LRP6: variants seen among roughly 807,000 people sequenced by gnomAD.
The protein encoded by LRP6 is low-density lipoprotein receptor-related protein 6.
Under a neutral mutation model 184.1 loss-of-function variants are expected in LRP6, and 43 were observed. The ratio of observed to expected loss-of-function variants is 0.23; its 90% CI spans 0.18 to 0.30. The LOEUF is 0.30. LRP6 is among the 10% of genes least tolerant of loss of function. The probability of loss-of-function intolerance (pLI) is 1.00; values close to 1 mark genes in which losing one functional copy is unlikely to be tolerated. For synonymous variants in LRP6, 719 were observed against 684.9 expected (o/e 1.05, Z -0.78); for missense variants, 1,571 against 2,005.3 (o/e 0.78, Z 4.14).
intron 18 of LRP6, 36 bp from the exon 19 acceptor site, chr12:12,130,929 A>C (rs988656636): frequency 2.6e-6 from 3 of 1,165,304 alleles, no homozygotes; most frequent in Non-Finnish European, 3.9e-6. Context: ...CTTATTTTTA[A>C]TATCATGTAA....
chr12:12,238,349 A>C (rs554852816), intron 2 of LRP6, among the ~76,000 whole-genome samples: 1 of 152,118 alleles, frequency 6.6e-6, no homozygotes, highest in Non-Finnish European at 1.5e-5. Flanking sequence ...AAGGAGACTA[A>C]GGAGAACGAA....
intron 1 of LRP6, among the ~76,000 whole-genome samples, chr12:12,261,282 T>C (rs938889882): frequency 4.6e-5 from 7 of 150,864 alleles, no homozygotes; most frequent in Admixed American, 2.7e-4. Context: ...TAATCGGGCG[T>C]GGTGGCGGGC....
rs986553621 is a variant in LRP6 at position 12,116,108 on chromosome 12, G to A, written c.*5018C>T. 6.6e-6 allele frequency: 1 copy of A among 152,094 alleles called. No individual in the cohort carries two copies. The highest frequency in any genetic ancestry group is 2.4e-5 in the African/African-American group (1 of 41,404). The allele number at this position is 152,094 out of a possible 1,614,324, so 9.4% of individuals were successfully genotyped here. ...ATTTATTGTAATAATCAAAAAAGGG[G>A]TTTATACAAGGTATTTTTATACAGT... On this transcript the variant is annotated 3_prime_UTR_variant, in exon 23 of 23. Transcript: ENST00000261349.
chr12:12,232,068 G>A (rs990626061), intron 2 of LRP6, among the ~76,000 whole-genome samples: 13 of 151,840 alleles, frequency 8.6e-5, no homozygotes, highest in African/African-American at 3.1e-4. Flanking sequence ...GCAATTTACT[G>A]TATATAAATT....
chr12:12,191,662 ACAGT>A (rs1419052410), intron 3 of LRP6, among the ~76,000 whole-genome samples: 3 of 152,162 alleles, frequency 2.0e-5, no homozygotes, highest in Non-Finnish European at 4.4e-5. Flanking sequence ...TTATTTCAAA[ACAGT>A]CAAAGTATTT....
intron 7 of LRP6, among the ~76,000 whole-genome samples, chr12:12,176,400 T>A (rs769420484): frequency 6.6e-6 from 1 of 152,182 alleles, no homozygotes; most frequent in African/African-American, 2.4e-5. Context: ...CACATATATG[T>A]TATTCTATTA....
At position 12,251,488 on chromosome 12, in the gene LRP6, C is replaced by T. The variant is rs536058964; in HGVS notation, c.56-6833G>A. The stretch of plus-strand genomic sequence containing the variant: ...ATGCCATTCTCCTGCCTCAGCCTCC[C>T]GAGTAGCTGGGACTACAGGTGCCCG... On this transcript the variant is annotated intron_variant, in intron 1 of 22. Transcript: ENST00000261349. 6.6e-5 allele frequency among the ~76,000 whole-genome samples: 10 copies of T among 151,806 alleles called. 1 individual carries two copies. Among genetic ancestry groups the T allele is most frequent in the Middle Eastern group, 3.4e-3 (1 of 292 alleles).
At chr12:12,134,357 G>C (rs2136872526) in intron 17 of LRP6, among the ~76,000 whole-genome samples, 1 of 152,192 alleles carries the variant, frequency 6.6e-6, no homozygotes, top group South Asian at 2.1e-4. Flanking sequence ...TGCCACTGTA[G>C]ATAATAGTAT....
At position 12,203,305 on chromosome 12, in the gene LRP6, T is replaced by C; in HGVS notation, c.545A>G (p.Tyr182Cys). The C allele has an allele frequency of 1.2e-6, 2 of 1,614,072 alleles. No individual in the cohort carries two copies. Among genetic ancestry groups the C allele is most frequent in the Non-Finnish European group, 1.7e-6 (2 of 1,179,946 alleles). The change falls in exon 3 of 23, where the codon TAC becomes TGC. Residue 182 changes from tyrosine (Y) to cysteine (C), a missense_variant. Transcript: ENST00000261349. ...ATCCAAAGTCAGTCCATTTGGCCAG[T>C]AAATTTCACTGTTTATTATAATGAA... The part of the protein sequence containing the change: ...SRFIIINSEI[Y>C]WPNGLTLDYE...
At chr12:12,239,342 T>G (rs903047447) in intron 2 of LRP6, among the ~76,000 whole-genome samples, 1 of 152,132 alleles carries the variant, frequency 6.6e-6, no homozygotes, top group African/African-American at 2.4e-5. Context: ...AAGAAAATAA[T>G]GCACTTTTAA....
chr12:12,177,937 C>T (rs1863237754), intron 7 of LRP6, among the ~76,000 whole-genome samples: 1 of 151,924 alleles, frequency 6.6e-6, no homozygotes, highest in Non-Finnish European at 1.5e-5. Flanking sequence ...AAATTAAAAA[C>T]AGGTTTAAGG....
At chr12:12,229,731 G>A (rs952452274) in intron 2 of LRP6, among the ~76,000 whole-genome samples, 10 of 152,182 alleles carry the variant, frequency 6.6e-5, no homozygotes, top group African/African-American at 1.9e-4. Flanking sequence ...CAGAAAGTGT[G>A]TGATAAATAT....
rs145904426 is a variant in LRP6, at chr12:12,181,208, G to A, written c.1208C>T (p.Ala403Val). ...GSQFVVTAQI[A>V]HPDGIAVDWV... is the part of the protein sequence containing the mutation. ...GTCCACAGCAATACCATCAGGATGG[G>A]CAATTTGAGCAGTGACCACAAACTG... Residue 403 changes from alanine (A) to valine (V), a missense_variant, in exon 6 of 23, where the codon GCC (alanine) becomes GTC (valine). Transcript: ENST00000261349. The A allele has an allele frequency of 1.9e-6, 3 of 1,614,124 alleles. No homozygotes were observed. Among genetic ancestry groups the A allele is most frequent in the East Asian group, 2.2e-5 (1 of 44,890 alleles).
rs531215573 is a variant in LRP6, at chr12:12,234,822, T to A, written c.449+9440A>T. 8.2e-5 allele frequency among the ~76,000 whole-genome samples: 12 copies of A among 146,446 alleles called. No individual in the cohort carries two copies. The East Asian group carries it at 2.0e-3, about 24-fold the overall frequency. On this transcript the variant is annotated intron_variant, in intron 2 of 22. Coordinates refer to ENST00000261349, the MANE Select transcript of LRP6 (RefSeq NM_002336.3). ...CTCTGGGCGACAGAGAGAGACTACG[T>A]CTCAAAAAAAAAAAGAATATACACA...
intron 2 of LRP6, among the ~76,000 whole-genome samples, chr12:12,233,175 A>G (rs1864836133): frequency 6.6e-6 from 1 of 151,820 alleles, no homozygotes; most frequent in Non-Finnish European, 1.5e-5. Context: ...AATTTGTTAG[A>G]AAAAAAAATT....
chr12:12,163,451 A>G (rs1472048400), intron 9 of LRP6, among the ~76,000 whole-genome samples: 2 of 152,242 alleles, frequency 1.3e-5, no homozygotes, highest in East Asian at 3.8e-4. Flanking sequence ...ATCTGAAACA[A>G]GCCCAAAACA....
chr12:12,181,393 G>A lies in LRP6; in HGVS notation c.1023C>T (p.Arg341=). 6.6e-7 allele frequency: 1 copy of A among 1,505,798 alleles called. No homozygotes were observed. The highest frequency in any genetic ancestry group is 1.1e-5 in the South Asian group (1 of 88,958). 93.3% of individuals were successfully genotyped at this position (1,505,798 alleles called of 1,614,324 possible). A position where few individuals can be genotyped will look rare whatever the true frequency, so the allele number is the denominator to read the frequency against. Residue 341 remains arginine, a synonymous_variant, in exon 6 of 23, where the codon CGC becomes CGT. Coordinates refer to ENST00000261349, the MANE Select transcript of LRP6 (RefSeq NM_002336.3). ...LLLARRTDLR[R]ISLDTPDFTD... Reference sequence around the variant, plus strand: ...TAAAATCTGGTGTATCCAAAGAAATGCGTCTCAAGTCTGTCCTTCGAGCTA... The same window carrying A: ...TAAAATCTGGTGTATCCAAAGAAATACGTCTCAAGTCTGTCCTTCGAGCTA...
chr12:12,130,945 A>C, intron 18 of LRP6, 52 bp from the exon 19 acceptor site: 1 of 1,002,772 alleles, frequency 1.0e-6, no homozygotes, highest in Non-Finnish European at 1.6e-6. Context: ...TGTAAAGTCA[A>C]ACTCTGGCAA....
chr12:12,140,637 T>A (rs1949918530), intron 15 of LRP6, among the ~76,000 whole-genome samples: 1 of 150,424 alleles, frequency 6.6e-6, no homozygotes, highest in South Asian at 2.1e-4. Context: ...GGAGTTTTGC[T>A]CTTTCGCCCA....
Sources: allele counts gnomAD v4.1 joint callset (sites outside exome capture counted in the v4.1 genomes callset), GRCh38; gene constraint gnomAD v4.1.1; transcripts MANE v1.5; gene names NCBI Gene and HGNC (gene_info 2026-07-23, HGNC 2026-07-21).